Variants in NEXMIF observed in about 807,000 individuals in gnomAD.
NEXMIF encodes the protein XLMR protein related to neurite extension.
A neutral mutation model predicts 62.1 loss-of-function variants in NEXMIF; 8 were observed. The observed-to-expected ratio is 0.13, with a 90% CI of 0.08 to 0.23. The LOEUF is 0.23. Ranked by LOEUF, NEXMIF falls within the 10% of genes least tolerant of loss-of-function variation. NEXMIF has a pLI of 1.00. For synonymous variants in NEXMIF, 404 were observed against 416.6 expected, an observed-to-expected ratio of 0.97 and a Z score of 0.37; for missense variants, 976 against 1,113.3, an observed-to-expected ratio of 0.88 and a Z score of 1.75.
At chrX:74,872,974 G>T (rs200564866) in intron 1 of NEXMIF, among the ~76,000 whole-genome samples, 71 of 104,516 alleles carry the variant, frequency 6.8e-4, no homozygotes, top group East Asian at 6.0e-3. Context: ...AATTGTTTTG[G>T]TTTTTTTTTA....
chrX:74,793,904 C>T (rs1449124742), intron 1 of NEXMIF, among the ~76,000 whole-genome samples: 1 of 80,184 alleles, frequency 1.2e-5, no homozygotes, highest in Non-Finnish European at 2.5e-5. Flanking sequence ...TTTTCAACTT[C>T]TTTGCCTTTG....
chrX:74,850,510 T>C (rs544008083), intron 1 of NEXMIF, among the ~76,000 whole-genome samples: 2 of 112,044 alleles, frequency 1.8e-5, no homozygotes, highest in Middle Eastern at 4.6e-3. Context: ...GTGGGCCTGA[T>C]GACATTCCTA....
chrX:74,863,039 G>T (rs1319243268), intron 1 of NEXMIF, among the ~76,000 whole-genome samples: 1 of 110,158 alleles, frequency 9.1e-6, no homozygotes, highest in African/African-American at 3.3e-5. Context: ...GGGTGTGGTG[G>T]CATGTGCTTG....
rs142714242 is a variant in NEXMIF at position 74,741,002 on chromosome X, C to A, written c.3555G>T (p.Gly1185=). ...TCTGAGAAGAGCTTTGGTTCATAGCCCCACTCTTGCTGGGTGAACTTTTCT... is the reference window on the plus strand; with the variant it reads ...TCTGAGAAGAGCTTTGGTTCATAGCACCACTCTTGCTGGGTGAACTTTTCT... ...SRKKSSPSKS[G]AMNQSSSQKN... Residue 1185 remains glycine (G), a synonymous_variant, in exon 3 of 4, where the codon GGG becomes GGT. Transcript: ENST00000055682. 343 of 1,209,561 alleles carry A rather than the reference C, an allele frequency of 2.8e-4. 2 individuals carry two copies. The East Asian group carries it at 7.4e-3, about 26-fold the overall frequency.
At chrX:74,748,665 A>T (rs1484652116) in intron 1 of NEXMIF, among the ~76,000 whole-genome samples, 1 of 112,186 alleles carries the variant, frequency 8.9e-6, no homozygotes, top group Non-Finnish European at 1.9e-5. Context: ...TTTTGAAGCA[A>T]GGAAATGCTC....
chrX:74,893,519 G>C (rs1361828), intron 1 of NEXMIF, among the ~76,000 whole-genome samples: 16,349 of 111,569 alleles, frequency 0.15, 1,786 homozygotes, highest in East Asian at 0.91. Flanking sequence ...ATTTTATTTT[G>C]TGTGCAATGT....
chrX:74,882,996 G>A (rs4892529), intron 1 of NEXMIF, among the ~76,000 whole-genome samples: 14,504 of 110,971 alleles, frequency 0.13, 1,582 homozygotes, highest in East Asian at 0.9. Context: ...ACCAATATCC[G>A]CTGTTCTGCA....
chrX:74,739,549 T>C lies in NEXMIF; in HGVS notation c.4458-51A>G, dbSNP rs1569334564. On this transcript the variant is annotated intron_variant, in intron 3 of 3. Coordinates refer to ENST00000055682, the MANE Select transcript of NEXMIF (RefSeq NM_001008537.3). ...CCATCTGAGTTAGTTTTAGTGTATG[T>C]CCCACAAAGGGATCATACAAGCTAA... The C allele has an allele frequency of 5.1e-6, 4 of 785,607 alleles. No individual in the cohort carries two copies. The Admixed American group carries it at 1.1e-4, about 21-fold the overall frequency. 64.7% of individuals were successfully genotyped at this position (785,607 alleles called of 1,213,427 possible). A position where few individuals can be genotyped will look rare whatever the true frequency, so the allele number is the denominator to read the frequency against.
chrX:74,869,203 T>C (rs957541745), intron 1 of NEXMIF, among the ~76,000 whole-genome samples: 1 of 111,782 alleles, frequency 8.9e-6, no homozygotes, highest in Admixed American at 9.6e-5. Flanking sequence ...ATTGTAGCAA[T>C]AGAATACAGG....
intron 1 of NEXMIF, among the ~76,000 whole-genome samples, chrX:74,855,746 C>A (rs915632842): frequency 8.9e-6 from 1 of 112,104 alleles, no homozygotes; most frequent in Non-Finnish European, 1.9e-5. Context: ...AACATGCACA[C>A]AGAGTCCCTT....
intron 1 of NEXMIF, among the ~76,000 whole-genome samples, chrX:74,900,464 A>G (rs1221959104): frequency 2.9e-5 from 3 of 103,663 alleles, no homozygotes; most frequent in African/African-American, 3.5e-5. Flanking sequence ...CTCCGTCTCA[A>G]AAAAAAAAAA....
chrX:74,814,979 C>T (rs1391530977), intron 1 of NEXMIF, among the ~76,000 whole-genome samples: 1 of 111,930 alleles, frequency 8.9e-6, no homozygotes, highest in Non-Finnish European at 1.9e-5. Context: ...CAATTTAAAT[C>T]ACTAATCAGG....
chrX:74,878,391 A>G lies in NEXMIF; in HGVS notation c.-48+46492T>C, dbSNP rs774891528. Among the ~76,000 whole-genome samples, 383 of 112,199 alleles carry G rather than the reference A, an allele frequency of 3.4e-3. 2 individuals carry two copies. The highest frequency in any genetic ancestry group is 0.012 in the African/African-American group (365 of 30,954). On this transcript the variant is annotated intron_variant, in intron 1 of 3. Transcript: ENST00000055682. ...GCTGGGAGAACCACTGCTCTCTTCA[A>G]AGCTGTCAGACAGGGACATTTAAGT...
chrX:74,848,458 G>A (rs1474267360), intron 1 of NEXMIF, among the ~76,000 whole-genome samples: 4 of 112,480 alleles, frequency 3.6e-5, no homozygotes, highest in African/African-American at 1.3e-4. Context: ...AGGCCAGACT[G>A]TAAAATCAAA....
chrX:74,924,745 G>A (rs2080838287), intron 1 of NEXMIF, 138 bp downstream of exon 1: 1 of 113,738 alleles, frequency 8.8e-6, no homozygotes, highest in Admixed American at 9.2e-5. Flanking sequence ...GCATACAGAC[G>A]TCCTCCGTTC....
intron 1 of NEXMIF, among the ~76,000 whole-genome samples, chrX:74,793,531 A>G (rs1450726487): frequency 1.8e-5 from 2 of 111,188 alleles, no homozygotes; most frequent in Non-Finnish European, 3.8e-5. Context: ...CTGCCTTGCT[A>G]GATTGGGGAA....
At chrX:74,802,570 C>T (rs181512821) in intron 1 of NEXMIF, among the ~76,000 whole-genome samples, 18 of 110,490 alleles carry the variant, frequency 1.6e-4, no homozygotes, top group Non-Finnish European at 2.6e-4. Context: ...TTGAATATCT[C>T]GAAAGCCTTT....
At chrX:74,783,946 T>A (rs1195115471) in intron 1 of NEXMIF, among the ~76,000 whole-genome samples, 1 of 110,956 alleles carries the variant, frequency 9.0e-6, no homozygotes, top group African/African-American at 3.3e-5. Context: ...TTCCTCAGGA[T>A]GTTCCCCTCC....
chrX:74,843,321 TG>T (rs1484834671), intron 1 of NEXMIF, among the ~76,000 whole-genome samples: 3 of 111,715 alleles, frequency 2.7e-5, no homozygotes, highest in African/African-American at 9.8e-5. Flanking sequence ...TCCATTTGCT[TG>T]GTAGATTTTC....
Sources: gnomAD v4.1 joint callset for allele counts (sites outside exome capture counted in the v4.1 genomes callset) on GRCh38, gnomAD v4.1.1 for gene constraint, MANE v1.5 for transcripts, NCBI Gene and HGNC (gene_info 2026-07-23, HGNC 2026-07-21) for gene names.